The following TGFB2 variants were observed in gnomAD, a reference collection of about 807,000 sequenced individuals.
TGFB2 encodes the protein transforming growth factor beta-2 proprotein.
TGFB2 carries 13 observed loss-of-function variants against 42.7 expected under a neutral mutation model. That is an observed-to-expected ratio of 0.30 (90% confidence interval 0.20 to 0.48). TGFB2 has a LOEUF of 0.48. TGFB2 is among the 20% of genes least tolerant of loss of function. The probability of loss-of-function intolerance (pLI) is 0.99; values close to 1 mark genes in which losing one functional copy is unlikely to be tolerated. For synonymous variants in TGFB2, 193 were observed against 193.6 expected, an observed-to-expected ratio of 1.00 and a Z score of 0.03; for missense variants, 390 against 517.5, an observed-to-expected ratio of 0.75 and a Z score of 2.39.
At chr1:218,430,805 G>C (rs537000044) in intron 2 of TGFB2, among the ~76,000 whole-genome samples, 2 of 152,200 alleles carry the variant, frequency 1.3e-5, no homozygotes, top group South Asian at 4.1e-4. Context: ...CTTTTATATA[G>C]CATCATTCAT....
chr1:218,394,170 A>G (rs901410077), intron 1 of TGFB2, among the ~76,000 whole-genome samples: 10 of 151,990 alleles, frequency 6.6e-5, no homozygotes, highest in African/African-American at 2.4e-4. Context: ...CGGCCTCCCA[A>G]AGTGCTTGGA....
chr1:218,441,646 A>G lies in TGFB2; in HGVS notation c.*284A>G, dbSNP rs1320317593. On this transcript the variant is annotated 3_prime_UTR_variant, in exon 7 of 7. Transcript: ENST00000366930. ...ATTTTTTTTAAAGAAAAAAATAAAC[A>G]CTGGAAGAATTTATTAGTGTTAATT... The G allele has an allele frequency of 1.2e-5, 3 of 256,772 alleles. No individual in the cohort carries two copies. The highest frequency in any genetic ancestry group is 1.5e-5 in the Non-Finnish European group (2 of 135,384). 15.9% of individuals were successfully genotyped at this position (256,772 alleles called of 1,614,324 possible). A position where few individuals can be genotyped will look rare whatever the true frequency, so the allele number is the denominator to read the frequency against.
At chr1:218,364,953 C>A (rs1305577354) in intron 1 of TGFB2, among the ~76,000 whole-genome samples, 1 of 152,068 alleles carries the variant, frequency 6.6e-6, no homozygotes, top group Non-Finnish European at 1.5e-5. Context: ...ATTTTTTCCC[C>A]CTAGCTAACT....
intron 1 of TGFB2, among the ~76,000 whole-genome samples, chr1:218,366,370 G>A (rs1296257314): frequency 2.6e-5 from 4 of 152,062 alleles, no homozygotes; most frequent in Non-Finnish European, 4.4e-5. Flanking sequence ...GTGGTAGCAT[G>A]ATCATAGCTC....
In TGFB2 at chr1:218,346,944, G is replaced by A. The variant is rs2102527710; in HGVS notation, c.243G>A (p.Lys81=). The stretch of plus-strand genomic sequence containing the variant: ...GCACCAGGGACTTGCTCCAGGAGAA[G>A]GCGAGCCGGAGGGCGGCCGCCTGCG... The part of the protein sequence containing the change: ...YNSTRDLLQE[K]ASRRAAACER... Residue 81 remains lysine, a synonymous_variant, in exon 1 of 7, where the codon AAG becomes AAA. Coordinates refer to ENST00000366930, the MANE Select transcript of TGFB2 (RefSeq NM_003238.6). This position sits in a 1 kb window ranked among gnomAD's most constrained non-coding sequence, Gnocchi z 4.9. The A allele has an allele frequency of 6.2e-7, 1 of 1,614,086 alleles. No homozygotes were observed. Among genetic ancestry groups the A allele is most frequent in the South Asian group, 1.1e-5 (1 of 91,080 alleles).
chr1:218,386,579 C>T (rs368959844), intron 1 of TGFB2, among the ~76,000 whole-genome samples: 1 of 152,162 alleles, frequency 6.6e-6, no homozygotes, highest in Non-Finnish European at 1.5e-5. Flanking sequence ...CCCACAGGTT[C>T]CTGATGCTAA....
At chr1:218,420,462 A>T (rs913090444) in intron 2 of TGFB2, among the ~76,000 whole-genome samples, 10 of 151,040 alleles carry the variant, frequency 6.6e-5, no homozygotes, top group Non-Finnish European at 4.4e-5. Flanking sequence ...CACACAAAGG[A>T]CTCCTTCATC....
intron 2 of TGFB2, among the ~76,000 whole-genome samples, chr1:218,432,292 G>A (rs1195031145): frequency 6.6e-6 from 1 of 152,124 alleles, no homozygotes; most frequent in Admixed American, 6.5e-5. Flanking sequence ...CTCAAGTCAT[G>A]TTTATCTGCT....
At position 218,347,032 on chromosome 1, in the gene TGFB2, T is replaced by G. The variant is rs757959311; in HGVS notation, c.331T>G (p.Phe111Val). The change falls in exon 1 of 7, where the codon TTC (phenylalanine) becomes GTC (valine). Residue 111 changes from phenylalanine (F) to valine (V), a missense_variant. Coordinates refer to ENST00000366930, the MANE Select transcript of TGFB2 (RefSeq NM_003238.6). The part of the protein sequence containing the change: ...KEVYKIDMPP[F>V]FPSENAIPPT... ...GGTTTACAAAATAGACATGCCGCCC[T>G]TCTTCCCCTCCGAAAGTAAGTACTT... 12 of 1,591,312 alleles carry G rather than the reference T, an allele frequency of 7.5e-6. No individual in the cohort carries two copies. In the South Asian group the frequency reaches 1.2e-4, roughly 16 times the overall value.
At chr1:218,430,222 G>A (rs969824616) in intron 2 of TGFB2, among the ~76,000 whole-genome samples, 28 of 151,852 alleles carry the variant, frequency 1.8e-4, no homozygotes, top group African/African-American at 6.3e-4. Context: ...GCAAAACCCC[G>A]TCTCTACTAA....
intron 2 of TGFB2, among the ~76,000 whole-genome samples, chr1:218,428,839 G>A (rs1372788374): frequency 6.6e-6 from 1 of 152,078 alleles, no homozygotes; most frequent in Admixed American, 6.6e-5. Context: ...GGTTCCATAT[G>A]AACTTTAAAG....
intron 1 of TGFB2, among the ~76,000 whole-genome samples, chr1:218,375,817 C>A (rs1330092589): frequency 3.3e-5 from 5 of 152,054 alleles, no homozygotes; most frequent in African/African-American, 9.7e-5. Flanking sequence ...TGGATGCTGG[C>A]CTTAATACCT....
At chr1:218,419,093 C>T (rs1050934238) in intron 2 of TGFB2, among the ~76,000 whole-genome samples, 4 of 152,136 alleles carry the variant, frequency 2.6e-5, no homozygotes, top group African/African-American at 4.8e-5. Context: ...ACAGTGGCTT[C>T]GTATCTCACC....
At chr1:218,393,536 T>A (rs12022831) in intron 1 of TGFB2, among the ~76,000 whole-genome samples, 1 of 152,034 alleles carries the variant, frequency 6.6e-6, no homozygotes, top group African/African-American at 2.4e-5. Context: ...TGTCATGGGC[T>A]CACTGGCCTC....
chr1:218,406,397 C>G (rs1197738832), intron 2 of TGFB2, among the ~76,000 whole-genome samples: 1 of 152,126 alleles, frequency 6.6e-6, no homozygotes, highest in East Asian at 1.9e-4. Flanking sequence ...GCATTTGCAT[C>G]GGCATCACCT....
At chr1:218,435,053 G>A (rs760421948) in intron 4 of TGFB2, among the ~76,000 whole-genome samples, 12 of 152,160 alleles carry the variant, frequency 7.9e-5, no homozygotes, top group Non-Finnish European at 1.3e-4. Flanking sequence ...AGAGTGAGGC[G>A]ATACCAAGGG....
intron 1 of TGFB2, among the ~76,000 whole-genome samples, chr1:218,388,866 C>G (rs1407369612): frequency 6.6e-6 from 1 of 152,186 alleles, no homozygotes; most frequent in Admixed American, 6.5e-5. Context: ...TTTAATGTTG[C>G]TGTATCTCTT....
At chr1:218,440,340 A>AG (rs1553303642) in intron 6 of TGFB2, among the ~76,000 whole-genome samples, 2 of 136,502 alleles carry the variant, frequency 1.5e-5, no homozygotes, top group African/African-American at 5.7e-5. Context: ...TGGTAAAAAA[A>AG]CAGGCTTTTT....
At chr1:218,440,843 A>G (rs1023224699) in intron 6 of TGFB2, among the ~76,000 whole-genome samples, 2 of 152,226 alleles carry the variant, frequency 1.3e-5, no homozygotes, top group African/African-American at 4.8e-5. Flanking sequence ...ACCAAATGCT[A>G]TAAGGATCAA....
Sources: allele counts gnomAD v4.1 joint callset (sites outside exome capture counted in the v4.1 genomes callset), GRCh38; gene constraint gnomAD v4.1.1; non-coding constraint Gnocchi (gnomAD v3.1); transcripts MANE v1.5; gene names NCBI Gene and HGNC (gene_info 2026-07-23, HGNC 2026-07-21).